Variants in TMEM114 observed in about 807,000 individuals in gnomAD.
TMEM114 encodes the protein transmembrane protein 114.
Under a neutral mutation model 6.2 loss-of-function variants are expected in TMEM114, and 6 were observed. That is an observed-to-expected ratio of 0.97 (90% confidence interval 0.53 to 1.91). The LOEUF is 1.91. TMEM114 is among the 40% of genes most tolerant of loss of function. The pLI is 0.01. For missense variants in TMEM114, 218 were observed against 158.3 expected (o/e 1.38, Z -2.02); for synonymous variants, 104 against 73.0 (o/e 1.42, Z -2.16).
downstream of TMEM114, among the ~76,000 whole-genome samples, chr16:8,536,932 G>A (rs1198473766): frequency 1.3e-5 from 2 of 152,026 alleles, no homozygotes; most frequent in African/African-American, 4.8e-5. Context: ...TACAGGCCAG[G>A]TGCAGTGGCT....
intron 2 of TMEM114, among the ~76,000 whole-genome samples, chr16:8,575,874 T>G (rs1402049991): frequency 6.6e-6 from 1 of 152,230 alleles, no homozygotes; most frequent in Non-Finnish European, 1.5e-5. Flanking sequence ...GTGGAAAGCC[T>G]GTTACAACCA....
At chr16:8,539,539 C>T (rs1034700259) in intron 2 of TMEM114, among the ~76,000 whole-genome samples, 8 of 152,138 alleles carry the variant, frequency 5.3e-5, no homozygotes, top group African/African-American at 1.9e-4. Flanking sequence ...TCCATCCTCC[C>T]ACGCTCCAAT....
chr16:8,547,633 C>T (rs1272398505), intron 2 of TMEM114, among the ~76,000 whole-genome samples: 5 of 152,074 alleles, frequency 3.3e-5, no homozygotes, highest in African/African-American at 1.2e-4. Flanking sequence ...CCTTGTGATC[C>T]ACCCGCCTCG....
intron 2 of TMEM114, among the ~76,000 whole-genome samples, 155 bp downstream of exon 2, chr16:8,589,058 C>G (rs1902402360): frequency 6.6e-6 from 1 of 152,176 alleles, no homozygotes; most frequent in Non-Finnish European, 1.5e-5. Flanking sequence ...CCCTGCCCCC[C>G]GGTCTTAAGC....
chr16:8,562,105 T>C (rs1415923329), intron 2 of TMEM114, among the ~76,000 whole-genome samples: 3 of 151,184 alleles, frequency 2.0e-5, no homozygotes, highest in Admixed American at 6.6e-5. Flanking sequence ...AGTGAATGAG[T>C]GAGCGAATAA....
At chr16:8,562,029 T>C (rs1028138997) in intron 2 of TMEM114, among the ~76,000 whole-genome samples, 19 of 149,558 alleles carry the variant, frequency 1.3e-4, no homozygotes, top group Non-Finnish European at 2.5e-4. Flanking sequence ...TGTGAGTGAA[T>C]GAGTGAGTAA....
chr16:8,588,861 A>C (rs1381661008), intron 2 of TMEM114, among the ~76,000 whole-genome samples: 1 of 152,044 alleles, frequency 6.6e-6, no homozygotes, highest in Non-Finnish European at 1.5e-5. Context: ...GGGGCTTCCC[A>C]CCTTCCCTTC....
downstream of TMEM114, among the ~76,000 whole-genome samples, chr16:8,564,635 GAATGAGTGAGTA>G (rs1901457827): frequency 6.6e-6 from 1 of 150,590 alleles, no homozygotes; most frequent in African/African-American, 2.5e-5. Context: ...GTGAGTGAGT[GAATGAGTGAGTA>G]AATGAGTGAG....
chr16:8,580,418 C>T (rs1596313168), intron 2 of TMEM114, among the ~76,000 whole-genome samples: 1 of 149,306 alleles, frequency 6.7e-6, no homozygotes, highest in Admixed American at 6.7e-5. Context: ...ACCTGGGAGG[C>T]GGAGGCTGCA....
At chr16:8,549,453 T>C (rs1380948517) in intron 2 of TMEM114, among the ~76,000 whole-genome samples, 9 of 144,528 alleles carry the variant, frequency 6.2e-5, no homozygotes, top group Non-Finnish European at 7.4e-5. Context: ...TGAGCCACGA[T>C]TGAGCCACTT....
downstream of TMEM114, among the ~76,000 whole-genome samples, chr16:8,564,798 T>C (rs375281995): frequency 6.9e-6 from 1 of 145,680 alleles, no homozygotes; most frequent in Non-Finnish European, 1.5e-5. Context: ...AATTAGTGAG[T>C]AAATGAGTGA....
downstream of TMEM114, among the ~76,000 whole-genome samples, chr16:8,566,158 C>T (rs970239867): frequency 1.3e-5 from 2 of 152,090 alleles, no homozygotes; most frequent in Non-Finnish European, 2.9e-5. Context: ...ATCATGAGCT[C>T]AGGAGATCGA....
chr16:8,548,420 C>T (rs1900740168), intron 2 of TMEM114, among the ~76,000 whole-genome samples: 1 of 152,190 alleles, frequency 6.6e-6, no homozygotes, highest in Non-Finnish European at 1.5e-5. Context: ...TAGCCATGTA[C>T]AGCATGGCTT....
intron 2 of TMEM114, among the ~76,000 whole-genome samples, chr16:8,573,943 C>T (rs777184036): frequency 6.6e-6 from 1 of 152,178 alleles, no homozygotes; most frequent in Non-Finnish European, 1.5e-5. Flanking sequence ...AGCAGAGGTT[C>T]TGTTCTGGGA....
At chr16:8,533,385 C>G (rs59792564), downstream of TMEM114, among the ~76,000 whole-genome samples, 393 of 152,308 alleles carry the variant, frequency 2.6e-3, 1 homozygote, top group African/African-American at 9.2e-3. Flanking sequence ...GGAGCAGAAA[C>G]ATGCTCTGTG....
intron 2 of TMEM114, among the ~76,000 whole-genome samples, chr16:8,560,269 A>T (rs544062936): frequency 1.2e-3 from 182 of 151,108 alleles, no homozygotes; most frequent in African/African-American, 4.1e-3. Context: ...AATTGTTGGG[A>T]TTACAGGTGT....
chr16:8,533,482 G>A (rs1349264712), downstream of TMEM114, among the ~76,000 whole-genome samples: 2 of 152,182 alleles, frequency 1.3e-5, no homozygotes, highest in Non-Finnish European at 2.9e-5. Context: ...TCATGTCGGA[G>A]CCTTTGATAC....
chr16:8,555,070 C>G (rs777793503), intron 2 of TMEM114, among the ~76,000 whole-genome samples: 4 of 152,220 alleles, frequency 2.6e-5, no homozygotes, highest in Admixed American at 1.3e-4. Flanking sequence ...CCTCCCAGGT[C>G]TCTCCTTCAC....
At chr16:8,529,987 A>G in the TMEM114 span, among the ~76,000 whole-genome samples, 1 of 152,224 alleles carries the variant, frequency 6.6e-6, no homozygotes, top group African/African-American at 2.4e-5. Flanking sequence ...TCTTTGACTG[A>G]TGGTTCTAAT....
Sources: allele counts gnomAD v4.1 joint callset (sites outside exome capture counted in the v4.1 genomes callset), GRCh38; gene constraint gnomAD v4.1.1; transcripts MANE v1.5; gene names NCBI Gene and HGNC (gene_info 2026-07-23, HGNC 2026-07-21).